Variants in GABRB1 observed in about 807,000 individuals in gnomAD.
The protein encoded by GABRB1 is gamma-aminobutyric acid receptor subunit beta-1.
In GABRB1, 17 loss-of-function variants were observed where a neutral mutation model predicts 51.6. The observed-to-expected ratio is 0.33, with a 90% CI of 0.23 to 0.49. The LOEUF is 0.49. Among genes scored for constraint, GABRB1 ranks in the 20% least tolerant of loss-of-function variants. The pLI is 0.99. For missense variants in GABRB1, 410 were observed against 600.6 expected (o/e 0.68, Z 3.32); for synonymous variants, 247 against 218.9 (o/e 1.13, Z -1.14).
chr4:47,256,513 G>C (rs1036155397), intron 4 of GABRB1, among the ~76,000 whole-genome samples: 1 of 152,248 alleles, frequency 6.6e-6, no homozygotes, highest in East Asian at 1.9e-4. Context: ...GTCTGTTCTC[G>C]CATTGCTATG....
chr4:47,108,086 T>C (rs1451315921), intron 3 of GABRB1, among the ~76,000 whole-genome samples: 1 of 152,058 alleles, frequency 6.6e-6, no homozygotes, highest in Non-Finnish European at 1.5e-5. Flanking sequence ...TTCACATGCA[T>C]AGTTTGGTAA....
At chr4:47,226,106 G>C (rs959771186) in intron 4 of GABRB1, among the ~76,000 whole-genome samples, 3 of 152,140 alleles carry the variant, frequency 2.0e-5, no homozygotes, top group African/African-American at 7.2e-5. Context: ...TGTGAATACA[G>C]TGAGTAGCAA....
chr4:47,035,254 A>T (rs4572848), intron 3 of GABRB1, among the ~76,000 whole-genome samples: 11,309 of 152,130 alleles, frequency 0.074, 509 homozygotes, highest in South Asian at 0.19. Flanking sequence ...CTAACATCGT[A>T]TCAAGAGTAT....
chr4:47,022,284 T>C (rs1242234698), intron 1 of GABRB1, among the ~76,000 whole-genome samples: 1 of 152,088 alleles, frequency 6.6e-6, no homozygotes. Context: ...TTCTTAGTCC[T>C]TTTATGTCTA....
At chr4:47,363,280 T>C (rs1465844659) in intron 5 of GABRB1, among the ~76,000 whole-genome samples, 1 of 152,126 alleles carries the variant, frequency 6.6e-6, no homozygotes, top group Non-Finnish European at 1.5e-5. Context: ...GTGTCAGAGT[T>C]GGAATTTTAA....
intron 4 of GABRB1, among the ~76,000 whole-genome samples, chr4:47,210,130 G>C (rs1720298609): frequency 6.6e-6 from 1 of 152,070 alleles, no homozygotes; most frequent in Non-Finnish European, 1.5e-5. Context: ...AAACCATCAG[G>C]AAGAGAGGAA....
At chr4:47,328,588 T>TA (rs1180628723) in intron 5 of GABRB1, among the ~76,000 whole-genome samples, 4 of 152,116 alleles carry the variant, frequency 2.6e-5, no homozygotes, top group Admixed American at 6.5e-5. Flanking sequence ...TATGCAGCCA[T>TA]AAAAAATGAT....
At chr4:47,163,940 C>T (rs1317177862) in intron 4 of GABRB1, among the ~76,000 whole-genome samples, 2 of 152,004 alleles carry the variant, frequency 1.3e-5, no homozygotes, top group South Asian at 2.1e-4. Context: ...TTAATGGACT[C>T]GCAGTTCTGC....
At chr4:47,358,389 GTATATATATA>G (rs766806108) in intron 5 of GABRB1, among the ~76,000 whole-genome samples, 1 of 149,534 alleles carries the variant, frequency 6.7e-6, no homozygotes, top group African/African-American at 2.5e-5. Context: ...GTGTATATAT[GTATATATATA>G]TATATAGAGA....
At chr4:47,189,522 T>C (rs1486755130) in intron 4 of GABRB1, among the ~76,000 whole-genome samples, 1 of 151,866 alleles carries the variant, frequency 6.6e-6, no homozygotes, top group African/African-American at 2.4e-5. Context: ...CTAAGTAGAA[T>C]TCTAAGTAGA....
intron 4 of GABRB1, among the ~76,000 whole-genome samples, chr4:47,167,864 G>T (rs1168646110): frequency 6.6e-6 from 1 of 152,074 alleles, no homozygotes; most frequent in Non-Finnish European, 1.5e-5. Flanking sequence ...GGGAATCTTG[G>T]ATTGCTCAGC....
At chr4:47,140,773 T>C (rs911082599) in intron 3 of GABRB1, among the ~76,000 whole-genome samples, 1 of 151,480 alleles carries the variant, frequency 6.6e-6, no homozygotes, top group Non-Finnish European at 1.5e-5. Flanking sequence ...GTTTTTTTTT[T>C]TTCCTAAAAG....
rs9992340 is a variant in GABRB1, at chr4:47,407,419, A to G, written c.1080+493A>G. Among the ~76,000 whole-genome samples, 1,513 of 152,286 alleles carry G rather than the reference A, an allele frequency of 9.9e-3. 26 individuals carry two copies. Among genetic ancestry groups the G allele is most frequent in the African/African-American group, 0.035 (1,437 of 41,560 alleles). ...CCTCATCCATAAAATGGAGATTATT[A>G]TAGTATGTCTATCTCACAGAGTTGT... On this transcript the variant is annotated intron_variant, in intron 8 of 8. Coordinates refer to ENST00000295454, the MANE Select transcript of GABRB1 (RefSeq NM_000812.4).
At chr4:47,153,493 T>A (rs926962419) in intron 3 of GABRB1, among the ~76,000 whole-genome samples, 3 of 152,046 alleles carry the variant, frequency 2.0e-5, no homozygotes, top group East Asian at 1.9e-4. Context: ...TACATTTTTT[T>A]AAAAAATGGA....
upstream of GABRB1, among the ~76,000 whole-genome samples, chr4:47,028,694 C>A (rs531448074): frequency 4.7e-5 from 7 of 150,356 alleles, no homozygotes; most frequent in East Asian, 1.9e-4. Flanking sequence ...GTGTGGTATC[C>A]TTCTTATTTT....
intron 3 of GABRB1, among the ~76,000 whole-genome samples, chr4:47,131,306 G>T (rs567917906): frequency 6.6e-6 from 1 of 152,018 alleles, no homozygotes; most frequent in African/African-American, 2.4e-5. Flanking sequence ...TTACAGGCAC[G>T]TGCCACCATA....
intron 3 of GABRB1, among the ~76,000 whole-genome samples, chr4:47,083,419 G>T (rs550327487): frequency 6.6e-6 from 1 of 152,168 alleles, no homozygotes; most frequent in South Asian, 2.1e-4. Context: ...TTCATTTATG[G>T]CGACTTACAG....
intron 4 of GABRB1, among the ~76,000 whole-genome samples, chr4:47,262,959 C>T (rs1377567674): frequency 5.4e-5 from 8 of 147,300 alleles, no homozygotes; most frequent in South Asian, 2.1e-4. Flanking sequence ...AACCAAACAC[C>T]GCATGTTCTC....
chr4:47,247,307 T>A (rs1721802463), intron 4 of GABRB1, among the ~76,000 whole-genome samples: 1 of 152,176 alleles, frequency 6.6e-6, no homozygotes, highest in Non-Finnish European at 1.5e-5. Flanking sequence ...TTTGGTTTGC[T>A]TTGTCAAAGA....
Sources: gnomAD v4.1 joint callset for allele counts (sites outside exome capture counted in the v4.1 genomes callset) on GRCh38, gnomAD v4.1.1 for gene constraint, MANE v1.5 for transcripts, NCBI Gene and HGNC (gene_info 2026-07-23, HGNC 2026-07-21) for gene names.